SPMIP2: variants seen among roughly 807,000 people sequenced by gnomAD.
SPMIP2 encodes sperm microtubule inner protein 2, also known as protein SPMIP2.
At chr4:159,074,653 C>T in the SPMIP2 span, among the ~76,000 whole-genome samples, 14 of 152,192 alleles carry the variant, frequency 9.2e-5, no homozygotes, top group South Asian at 2.9e-3. Flanking sequence ...GTGGTTTTTG[C>T]AGTGAGTGGG....
chr4:159,000,793 G>A, the SPMIP2 span, among the ~76,000 whole-genome samples: 1 of 148,404 alleles, frequency 6.7e-6, no homozygotes, highest in African/African-American at 2.5e-5. Context: ...GGCTTGTCTG[G>A]CTCCCTACAC....
At chr4:158,947,091 C>T in the SPMIP2 span, among the ~76,000 whole-genome samples, 1 of 152,122 alleles carries the variant, frequency 6.6e-6, no homozygotes, top group Non-Finnish European at 1.5e-5. Context: ...AGTGGGAAGA[C>T]AGTTTTTACT....
chr4:158,981,602 A>C, the SPMIP2 span, among the ~76,000 whole-genome samples: 16 of 152,174 alleles, frequency 1.1e-4, no homozygotes, highest in Admixed American at 1.0e-3. Context: ...TATCTAGCCA[A>C]ACTAAGCTTT....
chr4:158,904,116 A>T, the SPMIP2 span, among the ~76,000 whole-genome samples: 2 of 152,234 alleles, frequency 1.3e-5, no homozygotes, highest in African/African-American at 4.8e-5. Flanking sequence ...GAATGAGTTT[A>T]TAATGGAGAA....
the SPMIP2 span, among the ~76,000 whole-genome samples, chr4:159,037,827 CAT>C: frequency 0.099 from 12,451 of 125,662 alleles, 624 homozygotes; most frequent in Non-Finnish European, 0.13. Context: ...CACACACACA[CAT>C]ATATATATGT....
the SPMIP2 span, among the ~76,000 whole-genome samples, chr4:158,991,356 G>C: frequency 2.0e-5 from 3 of 152,188 alleles, no homozygotes; most frequent in Admixed American, 2.0e-4. Flanking sequence ...CCTTCATCTT[G>C]TTCTTAAATC....
the SPMIP2 span, among the ~76,000 whole-genome samples, chr4:159,055,805 T>C: frequency 6.6e-6 from 1 of 152,198 alleles, no homozygotes; most frequent in Non-Finnish European, 1.5e-5. Flanking sequence ...AGCAATTATG[T>C]TCTGATAGGG....
At chr4:159,067,632 T>C in the SPMIP2 span, among the ~76,000 whole-genome samples, 8 of 152,102 alleles carry the variant, frequency 5.3e-5, no homozygotes, top group East Asian at 1.5e-3. Flanking sequence ...CCAAAAGCAA[T>C]GGCAACAAAA....
chr4:158,930,175 C>T, the SPMIP2 span, among the ~76,000 whole-genome samples: 1 of 146,202 alleles, frequency 6.8e-6, no homozygotes, highest in Non-Finnish European at 1.5e-5. Context: ...TCATGTTAAT[C>T]TTATTGAGGA....
At chr4:159,057,873 T>C in the SPMIP2 span, among the ~76,000 whole-genome samples, 2 of 152,192 alleles carry the variant, frequency 1.3e-5, no homozygotes, top group Non-Finnish European at 2.9e-5. Flanking sequence ...GGTTGTTTGT[T>C]TGTTTGTTTG....
the SPMIP2 span, among the ~76,000 whole-genome samples, chr4:158,922,173 C>T: frequency 6.6e-6 from 1 of 152,202 alleles, no homozygotes; most frequent in South Asian, 2.1e-4. Context: ...CAGGCGTGAG[C>T]CACCGCGCCC....
chr4:159,052,410 C>A, the SPMIP2 span, among the ~76,000 whole-genome samples: 1 of 151,988 alleles, frequency 6.6e-6, no homozygotes, highest in African/African-American at 2.4e-5. Flanking sequence ...AACCAACAAC[C>A]AACACAACCC....
chr4:159,026,864 CATATATTTATATTT>C, the SPMIP2 span, among the ~76,000 whole-genome samples: 18 of 150,004 alleles, frequency 1.2e-4, no homozygotes, highest in South Asian at 4.2e-4. Context: ...TATTTATATA[CATATATTTATATTT>C]ATATATTTAT....
the SPMIP2 span, among the ~76,000 whole-genome samples, chr4:159,014,454 A>G: frequency 6.6e-6 from 1 of 152,268 alleles, no homozygotes; most frequent in African/African-American, 2.4e-5. Context: ...CTCTGTCTCA[A>G]AAAAAATTGC....
the SPMIP2 span, among the ~76,000 whole-genome samples, chr4:158,908,469 T>C: frequency 6.6e-6 from 1 of 152,218 alleles, no homozygotes; most frequent in Non-Finnish European, 1.5e-5. Context: ...TTGTATAAAT[T>C]GAGGGAAGAT....
chr4:159,001,827 G>A, the SPMIP2 span, among the ~76,000 whole-genome samples: 1 of 152,146 alleles, frequency 6.6e-6, no homozygotes, highest in African/African-American at 2.4e-5. Flanking sequence ...GTGTCTTTAT[G>A]ATACACTAAT....
chr4:158,942,209 G>C, the SPMIP2 span, among the ~76,000 whole-genome samples: 15 of 152,290 alleles, frequency 9.8e-5, no homozygotes, highest in African/African-American at 3.6e-4. Flanking sequence ...GTGCTCCAAG[G>C]TAATTCATCT....
chr4:158,915,318 C>T, the SPMIP2 span: 1 of 1,613,190 alleles, frequency 6.2e-7, no homozygotes, highest in Non-Finnish European at 8.5e-7. Flanking sequence ...AGAAGCGCGA[C>T]TCTGTTTTCC....
At chr4:158,928,789 T>G in the SPMIP2 span, among the ~76,000 whole-genome samples, 1 of 152,132 alleles carries the variant, frequency 6.6e-6, no homozygotes, top group Non-Finnish European at 1.5e-5. Flanking sequence ...GCGGCTTCAC[T>G]CCTGAAGCCA....
Sources: allele counts gnomAD v4.1 joint callset (sites outside exome capture counted in the v4.1 genomes callset), GRCh38; gene constraint gnomAD v4.1.1; transcripts MANE v1.5; gene names NCBI Gene and HGNC (gene_info 2026-07-23, HGNC 2026-07-21).